Variants in CSMD3 observed in about 807,000 individuals in gnomAD.
The protein encoded by CSMD3 is CUB and sushi domain-containing protein 3.
A neutral mutation model predicts 435.2 loss-of-function variants in CSMD3; 177 were observed. That is an observed-to-expected ratio of 0.41 (90% CI 0.36 to 0.46). The LOEUF (loss-of-function observed/expected upper bound fraction) is 0.46, where lower values mean the gene tolerates loss of function less well. Among genes scored for constraint, CSMD3 ranks in the 20% least tolerant of loss-of-function variants. The pLI is 0.34. For synonymous variants in CSMD3, 1,656 were observed against 1,520.5 expected (o/e 1.09, Z -2.07); for missense variants, 4,265 against 4,504.6 (o/e 0.95, Z 1.52).
intron 10 of CSMD3, among the ~76,000 whole-genome samples, chr8:112,862,216 A>C (rs1173512400): frequency 6.6e-6 from 1 of 152,000 alleles, no homozygotes; most frequent in African/African-American, 2.4e-5. Context: ...CCACTTAACA[A>C]GTTGTATATC....
Position 112,516,316 on chromosome 8 carries a change from G to A in CSMD3, c.4756+718C>T, listed in dbSNP as rs190062913. Among the ~76,000 whole-genome samples, 122 of 152,132 alleles carry A rather than the reference G, an allele frequency of 8.0e-4. No individual in the cohort carries two copies. In the East Asian group the frequency reaches 9.1e-3, roughly 11 times the overall value. On this transcript the variant is annotated intron_variant, in intron 28 of 70. Coordinates refer to ENST00000297405, the MANE Select transcript of CSMD3 (RefSeq NM_198123.2). ...AAACATAGTTTGTTCAAAATGTGTC[G>A]TAAATTCAAGATGACACAAATACTA... is the stretch of plus-strand genomic sequence containing the variant.
intron 9 of CSMD3, 108 bp downstream of exon 9, chr8:112,947,682 G>T: frequency 1.6e-6 from 1 of 612,188 alleles, no homozygotes; most frequent in South Asian, 2.0e-5. Flanking sequence ...ATAAAATGCA[G>T]TTTGATGCCA....
chr8:112,964,165 G>T (rs567113080), intron 7 of CSMD3, among the ~76,000 whole-genome samples: 5 of 151,564 alleles, frequency 3.3e-5, no homozygotes, highest in Non-Finnish European at 5.9e-5. Flanking sequence ...ATTGCCCAAG[G>T]TTATCTATAT....
Position 112,741,816 on chromosome 8 carries a change from G to GATAGATAGATAT in CSMD3, c.1973-51767_1973-51766insATATCTATCTAT, listed in dbSNP as rs1453769522. Among the ~76,000 whole-genome samples the GATAGATAGATAT allele has an allele frequency of 3.3e-5, 5 of 151,924 alleles. No homozygotes were observed. The East Asian group carries it at 9.7e-4, about 29-fold the overall frequency. On this transcript the variant is annotated intron_variant, in intron 13 of 70. Transcript: ENST00000297405. ...GAGAAGATAGATAGATAGATAGATA[G>GATAGATAGATAT]ATAGATAGATAACACAAAAAGTTGA...
intron 32 of CSMD3, among the ~76,000 whole-genome samples, chr8:112,425,026 C>G (rs1554675362): frequency 6.6e-6 from 1 of 152,112 alleles, no homozygotes; most frequent in African/African-American, 2.4e-5. Flanking sequence ...TTAAATGTTT[C>G]TTAAATATCA....
intron 32 of CSMD3, among the ~76,000 whole-genome samples, chr8:112,415,191 T>C (rs937821878): frequency 6.6e-6 from 1 of 152,184 alleles, no homozygotes; most frequent in African/African-American, 2.4e-5. Flanking sequence ...GAAAAATGGT[T>C]TCCTGGGCTG....
intron 1 of CSMD3, among the ~76,000 whole-genome samples, chr8:113,408,547 C>G (rs983286578): frequency 3.3e-5 from 5 of 151,808 alleles, no homozygotes; most frequent in African/African-American, 1.2e-4. Context: ...AAGATATTGT[C>G]TGATCTAAAA....
At chr8:113,120,003 A>T (rs1385135280) in intron 4 of CSMD3, among the ~76,000 whole-genome samples, 1 of 152,024 alleles carries the variant, frequency 6.6e-6, no homozygotes, top group Non-Finnish European at 1.5e-5. Flanking sequence ...TACTCATTAC[A>T]CAAATAAAAA....
intron 13 of CSMD3, among the ~76,000 whole-genome samples, chr8:112,709,259 G>T (rs996013782): frequency 2.2e-4 from 34 of 152,008 alleles, no homozygotes; most frequent in African/African-American, 8.0e-4. Flanking sequence ...GTAAATGTTG[G>T]CCCCAAACCA....
chr8:112,401,379 TC>T (rs1831328933), intron 35 of CSMD3, among the ~76,000 whole-genome samples: 1 of 152,124 alleles, frequency 6.6e-6, no homozygotes, highest in African/African-American at 2.4e-5. Flanking sequence ...AGATCATTTC[TC>T]CCATCTATAT....
chr8:113,187,775 C>T (rs1172668150), intron 3 of CSMD3, among the ~76,000 whole-genome samples: 1 of 151,900 alleles, frequency 6.6e-6, no homozygotes, highest in African/African-American at 2.4e-5. Context: ...AGGTTAACTA[C>T]CCTTTAAACT....
intron 1 of CSMD3, among the ~76,000 whole-genome samples, chr8:113,391,894 C>T (rs1174105723): frequency 6.6e-6 from 1 of 151,970 alleles, no homozygotes; most frequent in Non-Finnish European, 1.5e-5. Context: ...TTCTGATTAG[C>T]AGCAATATAG....
At chr8:112,842,875 T>C (rs1388853420) in intron 11 of CSMD3, among the ~76,000 whole-genome samples, 3 of 151,774 alleles carry the variant, frequency 2.0e-5, no homozygotes, top group East Asian at 1.9e-4. Flanking sequence ...ATGACTATTA[T>C]TGTAAGTATT....
chr8:113,050,575 A>G (rs147880017), intron 5 of CSMD3, among the ~76,000 whole-genome samples: 348 of 152,218 alleles, frequency 2.3e-3, no homozygotes, highest in African/African-American at 8.0e-3. Context: ...CAAAACAAGA[A>G]TAAGTTTATA....
intron 6 of CSMD3, among the ~76,000 whole-genome samples, chr8:113,011,076 T>C (rs2086239822): frequency 2.0e-5 from 3 of 151,704 alleles, no homozygotes; most frequent in African/African-American, 2.4e-5. Flanking sequence ...ATGAATGATG[T>C]CCTCTAATAA....
chr8:113,377,114 T>G (rs529261574), intron 1 of CSMD3: 1,098 of 1,265,816 alleles, frequency 8.7e-4, no homozygotes, highest in Non-Finnish European at 1.0e-3. Context: ...GGCTGCGGCG[T>G]CGTCCGGCTC....
Position 112,292,758 on chromosome 8 carries a change from T to C in CSMD3, c.8615-48A>G, listed in dbSNP as rs766841822. On this transcript the variant is annotated intron_variant, in intron 54 of 70. Transcript: ENST00000297405. ...CAGGGAAGGAAACACAGAAAAAAAATATTTAGTTATCAGTTATTGCATTAT... is the reference window on the plus strand; with the variant it reads ...CAGGGAAGGAAACACAGAAAAAAAACATTTAGTTATCAGTTATTGCATTAT... 3 of 1,508,298 alleles carry C rather than the reference T, an allele frequency of 2.0e-6. No homozygotes were observed. In the South Asian group the frequency reaches 3.4e-5, roughly 17 times the overall value. The allele number at this position is 1,508,298 out of a possible 1,614,324, so 93.4% of individuals were successfully genotyped here. A position where few individuals can be genotyped will look rare whatever the true frequency, so the allele number is the denominator to read the frequency against.
intron 22 of CSMD3, among the ~76,000 whole-genome samples, chr8:112,622,094 T>C (rs1248369547): frequency 6.6e-6 from 1 of 152,174 alleles, no homozygotes; most frequent in African/African-American, 2.4e-5. Flanking sequence ...AAACCAAATA[T>C]TTGCGTCTGA....
chr8:112,498,090 C>A (rs1308015804), intron 30 of CSMD3, among the ~76,000 whole-genome samples: 3 of 152,008 alleles, frequency 2.0e-5, no homozygotes, highest in African/African-American at 7.2e-5. Flanking sequence ...TTATATTTTT[C>A]TTTGCCTTTA....
Sources: allele counts gnomAD v4.1 joint callset (sites outside exome capture counted in the v4.1 genomes callset), GRCh38; gene constraint gnomAD v4.1.1; transcripts MANE v1.5; gene names NCBI Gene and HGNC (gene_info 2026-07-23, HGNC 2026-07-21).